Variants in TEK observed in about 807,000 individuals in gnomAD.
TEK encodes the protein angiopoietin-1 receptor.
Under a neutral mutation model 131.8 loss-of-function variants are expected in TEK, and 43 were observed. That is an observed-to-expected ratio of 0.33 (90% CI 0.26 to 0.42). TEK has a LOEUF of 0.42. Ranked by LOEUF, TEK falls within the 10% of genes least tolerant of loss-of-function variation. The probability of loss-of-function intolerance (pLI) is 1.00; values close to 1 mark genes in which losing one functional copy is unlikely to be tolerated. For missense variants in TEK, 1,162 were observed against 1,384.4 expected (o/e 0.84, Z 2.55); for synonymous variants, 580 against 491.6 (o/e 1.18, Z -2.38).
intron 1 of TEK, among the ~76,000 whole-genome samples, chr9:27,118,900 C>T (rs1200207511): frequency 1.3e-5 from 2 of 152,174 alleles, no homozygotes; most frequent in Non-Finnish European, 2.9e-5. Context: ...CACTGTATCC[C>T]TGGAGCTACC....
At chr9:27,112,432 C>A (rs1399392242) in intron 1 of TEK, among the ~76,000 whole-genome samples, 1 of 152,196 alleles carries the variant, frequency 6.6e-6, no homozygotes, top group Non-Finnish European at 1.5e-5. Flanking sequence ...GCTTTTTTCA[C>A]AGATGCTCCC....
At chr9:27,193,392 C>G (rs1824893111) in intron 11 of TEK, among the ~76,000 whole-genome samples, 1 of 152,092 alleles carries the variant, frequency 6.6e-6, no homozygotes, top group Non-Finnish European at 1.5e-5. Context: ...AGTAGGTTCC[C>G]AAGTGATGCT....
intron 1 of TEK, among the ~76,000 whole-genome samples, chr9:27,131,506 A>G (rs1822220830): frequency 6.6e-6 from 1 of 150,866 alleles, no homozygotes. Flanking sequence ...AGTTATGATA[A>G]AATTAAGTAA....
intron 16 of TEK, chr9:27,210,718 C>A (rs1325074411): frequency 1.3e-5 from 2 of 152,168 alleles, no homozygotes; most frequent in African/African-American, 4.8e-5. Context: ...AGAGAATAAA[C>A]CATGATATTA....
rs750955539 is a variant in TEK at position 27,220,164 on chromosome 9, T to TG, written c.3200+23dup. ...ATGAGGTGTAAGTCAGGCCTCATCCTGGGGCTATTTTGTCTTACCTTCCCC... is the reference window on the plus strand; with the variant it reads ...ATGAGGTGTAAGTCAGGCCTCATCCTGGGGGCTATTTTGTCTTACCTTCCCC... On this transcript the variant is annotated intron_variant, in intron 21 of 22. Transcript: ENST00000380036. 6.2e-7 allele frequency: 1 copy of TG among 1,612,418 alleles called. No homozygotes were observed. The highest frequency in any genetic ancestry group is 1.3e-5 in the African/African-American group (1 of 74,900).
chr9:27,191,122 T>C (rs1276648879), intron 10 of TEK, among the ~76,000 whole-genome samples: 1 of 152,124 alleles, frequency 6.6e-6, no homozygotes, highest in Non-Finnish European at 1.5e-5. Context: ...GAGTTGTTTA[T>C]TCCTTTTCTC....
chr9:27,144,113 C>G (rs535118834), intron 1 of TEK, among the ~76,000 whole-genome samples: 4 of 152,148 alleles, frequency 2.6e-5, no homozygotes, highest in Non-Finnish European at 5.9e-5. Flanking sequence ...GAAACCCTGT[C>G]TCTACTAAAA....
At chr9:27,138,210 T>A (rs982454177) in intron 1 of TEK, among the ~76,000 whole-genome samples, 4 of 152,200 alleles carry the variant, frequency 2.6e-5, no homozygotes, top group African/African-American at 9.7e-5. Flanking sequence ...AGAACAAAGA[T>A]TCCACAGTGT....
intron 1 of TEK, among the ~76,000 whole-genome samples, chr9:27,151,905 A>G (rs1823140145): frequency 6.6e-6 from 1 of 152,144 alleles, no homozygotes; most frequent in East Asian, 1.9e-4. Flanking sequence ...AATCCAAACA[A>G]TTTCGCAAAA....
Position 27,197,435 on chromosome 9 carries a change from C to G in TEK, c.1745C>G (p.Ser582Cys). ...DDFYVEVERR[S>C]VQKSDQQNIK... Reference sequence around the variant, plus strand: ...TTTTATGTTGAAGTGGAGAGAAGGTCTGTGCAAAAAAGTGATCAGCAGAAT... The same window carrying G: ...TTTTATGTTGAAGTGGAGAGAAGGTGTGTGCAAAAAAGTGATCAGCAGAAT... The change falls in exon 12 of 23, where the codon TCT (serine) becomes TGT (cysteine). Residue 582 changes from serine to cysteine, a missense_variant. This residue lies in a region of TEK where 477 missense variants were observed against 471.0 expected (regional missense o/e 1.01). Transcript: ENST00000380036. The G allele has an allele frequency of 4.3e-6, 7 of 1,614,082 alleles. No individual in the cohort carries two copies. Among genetic ancestry groups the G allele is most frequent in the Non-Finnish European group, 5.9e-6 (7 of 1,180,004 alleles).
intron 21 of TEK, among the ~76,000 whole-genome samples, chr9:27,224,364 A>G (rs1826219601): frequency 6.6e-6 from 1 of 151,878 alleles, no homozygotes; most frequent in African/African-American, 2.4e-5. Context: ...TTCTCAATAA[A>G]ATACTGGGAA....
chr9:27,205,619 G>T (rs1464228236), intron 14 of TEK, among the ~76,000 whole-genome samples: 2 of 152,044 alleles, frequency 1.3e-5, no homozygotes, highest in East Asian at 3.9e-4. Context: ...CCTGGCACTT[G>T]GTACTGCCTC....
At chr9:27,206,891 A>G in intron 15 of TEK, 99 bp downstream of exon 15, 2 of 1,357,910 alleles carry the variant, frequency 1.5e-6, no homozygotes, top group Non-Finnish European at 2.0e-6. Flanking sequence ...AAAAATTGGC[A>G]TGGTATCAGA....
intron 21 of TEK, among the ~76,000 whole-genome samples, chr9:27,227,989 C>T (rs1826405945): frequency 6.6e-6 from 1 of 152,084 alleles, no homozygotes; most frequent in South Asian, 2.1e-4. Flanking sequence ...CAAGGTCCTG[C>T]AGAAACAGTA....
intron 1 of TEK, among the ~76,000 whole-genome samples, chr9:27,125,257 T>G (rs2131049728): frequency 6.6e-6 from 1 of 152,362 alleles, no homozygotes; most frequent in South Asian, 2.1e-4. Context: ...CAGCTCTGAC[T>G]GCTGAGTAAC....
At chr9:27,122,675 G>T (rs1387069203) in intron 1 of TEK, among the ~76,000 whole-genome samples, 1 of 152,060 alleles carries the variant, frequency 6.6e-6, no homozygotes, top group African/African-American at 2.4e-5. Context: ...AACCTACATC[G>T]AGAGGTAATA....
intron 14 of TEK, 25 bp downstream of exon 14, chr9:27,205,090 T>A (rs1183984981): frequency 6.2e-7 from 1 of 1,613,566 alleles, no homozygotes; most frequent in African/African-American, 1.3e-5. Context: ...TCCTACTAGC[T>A]AATAAGGGCA....
Position 27,142,712 on chromosome 9 carries a change from C to G in TEK, c.53-15119C>G, listed in dbSNP as rs529606624. Among the ~76,000 whole-genome samples, 5 of 152,312 alleles carry G rather than the reference C, an allele frequency of 3.3e-5. No homozygotes were observed. The East Asian group carries it at 7.7e-4, about 23-fold the overall frequency. On this transcript the variant is annotated intron_variant, in intron 1 of 22. Transcript: ENST00000380036. ...GATATGGAGAAGCTACTGTGCCCAA[C>G]TTTGTTAGGAAAAAGGAAGAGTTAT...
At chr9:27,120,410 C>A (rs1354157630) in intron 1 of TEK, among the ~76,000 whole-genome samples, 2 of 152,266 alleles carry the variant, frequency 1.3e-5, no homozygotes, top group East Asian at 1.9e-4. Flanking sequence ...AACCTCCTCG[C>A]ATGGATTAGG....
Sources: gnomAD v4.1 joint callset for allele counts (sites outside exome capture counted in the v4.1 genomes callset) on GRCh38, gnomAD v4.1.1 for gene constraint, gnomAD v4.1.1 regional missense constraint, MANE v1.5 for transcripts, NCBI Gene and HGNC (gene_info 2026-07-23, HGNC 2026-07-21) for gene names.